Variants in KCNK10 observed in about 807,000 individuals in gnomAD.
The protein encoded by KCNK10 is potassium two pore domain channel subfamily K member 10, also known as potassium channel subfamily K member 10.
A neutral mutation model predicts 47.7 loss-of-function variants in KCNK10; 25 were observed. The ratio of observed to expected loss-of-function variants is 0.52; its 90% CI spans 0.38 to 0.73. The LOEUF (loss-of-function observed/expected upper bound fraction) is 0.73, where lower values mean the gene tolerates loss of function less well. Among genes scored for constraint, KCNK10 ranks in the 30% least tolerant of loss-of-function variants. The pLI is 0.00. For missense variants in KCNK10, 563 were observed against 714.5 expected (o/e 0.79, Z 2.42); for synonymous variants, 303 against 285.6 (o/e 1.06, Z -0.61).
intron 1 of KCNK10, among the ~76,000 whole-genome samples, chr14:88,306,476 G>T (rs778642430): frequency 1.3e-5 from 2 of 152,126 alleles, no homozygotes; most frequent in Non-Finnish European, 2.9e-5. Context: ...GGAAATGTGG[G>T]GGAAGATTTG....
intron 1 of KCNK10, among the ~76,000 whole-genome samples, chr14:88,278,643 T>C (rs1232294583): frequency 6.6e-6 from 1 of 152,184 alleles, no homozygotes; most frequent in Admixed American, 6.5e-5. Flanking sequence ...ATCTAACCTT[T>C]GAGTTCAGGT....
At chr14:88,289,005 C>A (rs1041614078) in intron 1 of KCNK10, among the ~76,000 whole-genome samples, 2 of 152,140 alleles carry the variant, frequency 1.3e-5, no homozygotes, top group Admixed American at 6.5e-5. Context: ...TTTGCTCATT[C>A]CCTGTGTGTC....
chr14:88,269,738 G>A (rs1595115996), intron 1 of KCNK10, among the ~76,000 whole-genome samples: 1 of 152,264 alleles, frequency 6.6e-6, no homozygotes, highest in Admixed American at 6.5e-5. Context: ...CACCCAGCCA[G>A]TGAACCTGTT....
chr14:88,248,967 TAGTAGTTAGGA>T (rs929911995), intron 2 of KCNK10, among the ~76,000 whole-genome samples: 2 of 152,224 alleles, frequency 1.3e-5, no homozygotes, highest in African/African-American at 4.8e-5. Context: ...TGTGAGGTTA[TAGTAGTTAGGA>T]AGTGTCAGAG....
chr14:88,254,469 C>CA (rs1291522560), intron 2 of KCNK10, among the ~76,000 whole-genome samples: 2 of 152,146 alleles, frequency 1.3e-5, no homozygotes, highest in African/African-American at 4.8e-5. Context: ...TGAAGACACT[C>CA]AAAATCTTCA....
intron 1 of KCNK10, among the ~76,000 whole-genome samples, chr14:88,292,863 A>AT (rs1433746334): frequency 1.3e-5 from 2 of 151,934 alleles, no homozygotes; most frequent in East Asian, 3.9e-4. Flanking sequence ...GGCTCAAGCG[A>AT]TGGCCTGCCT....
In KCNK10 at chr14:88,187,576, C is replaced by T. The variant is rs145290363; in HGVS notation, c.1011+391G>A. Among the ~76,000 whole-genome samples the T allele has an allele frequency of 4.9e-3, 739 of 152,108 alleles. 2 individuals carry two copies. Among genetic ancestry groups the T allele is most frequent in the Non-Finnish European group, 6.7e-3 (457 of 68,000 alleles). Reference sequence around the variant, plus strand: ...TTACTGAATCAGGAAAGATTCTTGGCGTTCAACTGCCTTTCTGCACAGACC... The same window carrying T: ...TTACTGAATCAGGAAAGATTCTTGGTGTTCAACTGCCTTTCTGCACAGACC... On this transcript the variant is annotated intron_variant, in intron 6 of 6. Transcript: ENST00000319231.
chr14:88,232,354 C>A (rs921016283), intron 3 of KCNK10, among the ~76,000 whole-genome samples: 1 of 152,186 alleles, frequency 6.6e-6, no homozygotes, highest in Non-Finnish European at 1.5e-5. Context: ...CTCCTCAGCT[C>A]TCACGGTTCC....
At chr14:88,290,522 G>C (rs1887854287) in intron 1 of KCNK10, among the ~76,000 whole-genome samples, 1 of 152,198 alleles carries the variant, frequency 6.6e-6, no homozygotes. Context: ...CAGGCACTGT[G>C]TACATTTCAC....
rs536953560 is a variant in KCNK10 at position 88,181,369 on chromosome 14, C to T, written c.*4166G>A. Reference sequence around the variant, plus strand: ...AAACATGGAATGGTCCTTATAGAACCCAAAGCAGCCATTTCCTCAGGTGTG... The same window carrying T: ...AAACATGGAATGGTCCTTATAGAACTCAAAGCAGCCATTTCCTCAGGTGTG... On this transcript the variant is annotated 3_prime_UTR_variant, in exon 7 of 7. Coordinates refer to ENST00000319231, the MANE Select transcript of KCNK10 (RefSeq NM_138317.3). 6.6e-6 allele frequency: 1 copy of T among 151,796 alleles called. No individual in the cohort carries two copies. The highest frequency in any genetic ancestry group is 1.5e-5 in the Non-Finnish European group (1 of 68,112). The allele number at this position is 151,796 out of a possible 1,614,324, so 9.4% of individuals were successfully genotyped here.
intron 1 of KCNK10, among the ~76,000 whole-genome samples, chr14:88,272,706 G>T (rs1887434674): frequency 6.6e-6 from 1 of 152,152 alleles, no homozygotes; most frequent in South Asian, 2.1e-4. Flanking sequence ...TCAGACCTGG[G>T]TTTAGCAAGC....
intron 2 of KCNK10, among the ~76,000 whole-genome samples, chr14:88,241,907 C>T (rs956850997): frequency 2.6e-5 from 4 of 152,304 alleles, no homozygotes; most frequent in African/African-American, 9.6e-5. Context: ...CCTGAGCTGG[C>T]CCCTGCCATC....
At chr14:88,214,188 C>G (rs888306980) in intron 4 of KCNK10, among the ~76,000 whole-genome samples, 1 of 152,098 alleles carries the variant, frequency 6.6e-6, no homozygotes, top group African/African-American at 2.4e-5. Context: ...ATCCGCCCAC[C>G]TCAGCCTCCC....
At chr14:88,230,705 C>G (rs1012023072) in intron 3 of KCNK10, among the ~76,000 whole-genome samples, 1 of 152,086 alleles carries the variant, frequency 6.6e-6, no homozygotes, top group Non-Finnish European at 1.5e-5. Flanking sequence ...CTCTAAGGGA[C>G]CCCACTTCAA....
At position 88,260,949 on chromosome 14, in the gene KCNK10, C is replaced by CT. The variant is rs572126321; in HGVS notation, c.402+2252dup. ...ATAAGGACCTCCACGCTCTCTGACC[C>CT]TGTCCTTCATTCAGGTCTCTGAGCT... On this transcript the variant is annotated intron_variant, in intron 2 of 6. Transcript: ENST00000319231. The surrounding 1 kb of genome is among the most constrained non-coding windows in gnomAD (Gnocchi z 4.5). Among the ~76,000 whole-genome samples the CT allele has an allele frequency of 7.2e-5, 11 of 152,310 alleles. No homozygotes were observed. In the South Asian group the frequency reaches 2.3e-3, roughly 32 times the overall value.
chr14:88,212,109 A>AATATATATATATATATAT (rs34318518), intron 4 of KCNK10, among the ~76,000 whole-genome samples: 4,353 of 132,034 alleles, frequency 0.033, 194 homozygotes, highest in East Asian at 0.095. Context: ...TGATAGTGAG[A>AATATATATATATATATAT]ATATATATAT....
chr14:88,280,428 G>C (rs1270087145), intron 1 of KCNK10, among the ~76,000 whole-genome samples: 3 of 152,018 alleles, frequency 2.0e-5, no homozygotes, highest in Non-Finnish European at 4.4e-5. Context: ...TCCTCTCCCT[G>C]TGTAATCCCT....
intron 1 of KCNK10, among the ~76,000 whole-genome samples, chr14:88,274,643 C>T (rs1010290241): frequency 4.0e-5 from 6 of 151,394 alleles, no homozygotes; most frequent in African/African-American, 1.5e-4. Context: ...CTGTGTCCCA[C>T]CCAATAATGG....
chr14:88,187,357 T>A (rs1490808426), intron 6 of KCNK10, among the ~76,000 whole-genome samples: 3 of 152,170 alleles, frequency 2.0e-5, no homozygotes, highest in Admixed American at 2.0e-4. Flanking sequence ...CATGAATATT[T>A]ATTTTTTAAT....
Sources: allele counts gnomAD v4.1 joint callset (sites outside exome capture counted in the v4.1 genomes callset), GRCh38; gene constraint gnomAD v4.1.1; non-coding constraint Gnocchi (gnomAD v3.1); transcripts MANE v1.5; gene names NCBI Gene and HGNC (gene_info 2026-07-23, HGNC 2026-07-21).